DAB1: variants seen among roughly 807,000 people sequenced by gnomAD.
DAB1 encodes DAB adaptor protein 1.
Under a neutral mutation model 64.6 loss-of-function variants are expected in DAB1, and 15 were observed. That is an observed-to-expected ratio of 0.23 (90% CI 0.16 to 0.36). DAB1 has a LOEUF of 0.36. Among genes scored for constraint, DAB1 ranks in the 10% least tolerant of loss-of-function variants. The probability of loss-of-function intolerance (pLI) is 1.00; values close to 1 mark genes in which losing one functional copy is unlikely to be tolerated. For missense variants in DAB1, 596 were observed against 706.7 expected (o/e 0.84, Z 1.78); for synonymous variants, 235 against 251.9 (o/e 0.93, Z 0.64).
At chr1:57,194,987 A>C (rs1385263453) in intron 2 of DAB1, among the ~76,000 whole-genome samples, 2 of 152,246 alleles carry the variant, frequency 1.3e-5, no homozygotes, top group Non-Finnish European at 2.9e-5. Flanking sequence ...CGGAAAGTGT[A>C]ATAACTTTGG....
intron 4 of DAB1, among the ~76,000 whole-genome samples, chr1:58,159,320 A>G (rs2100746374): frequency 6.6e-6 from 1 of 152,328 alleles, no homozygotes; most frequent in South Asian, 2.1e-4. Context: ...GGTTCAACAT[A>G]GAATGAATCC....
intron 7 of DAB1, among the ~76,000 whole-genome samples, chr1:57,595,948 G>A (rs1450486994): frequency 6.6e-6 from 1 of 152,124 alleles, no homozygotes; most frequent in Non-Finnish European, 1.5e-5. Context: ...GCAGAATTGT[G>A]AGCCAATTAA....
At chr1:57,201,528 C>T (rs921053544) in intron 2 of DAB1, among the ~76,000 whole-genome samples, 2 of 151,948 alleles carry the variant, frequency 1.3e-5, no homozygotes, top group Non-Finnish European at 2.9e-5. Flanking sequence ...CTTTTCTAGA[C>T]TTCACCAATT....
chr1:57,061,229 G>GC (rs1491208908), intron 9 of DAB1, among the ~76,000 whole-genome samples: 206 of 10,786 alleles, frequency 0.019, 6 homozygotes, highest in African/African-American at 0.066. Context: ...ATATTTAGAT[G>GC]GGGGGGGGGG....
chr1:58,146,690 T>C (rs1354659293), intron 5 of DAB1, among the ~76,000 whole-genome samples: 1 of 151,550 alleles, frequency 6.6e-6, no homozygotes, highest in Non-Finnish European at 1.5e-5. Flanking sequence ...TATCCTTTTT[T>C]AAGGCTGAAT....
At chr1:57,180,836 C>G (rs766718731) in intron 2 of DAB1, among the ~76,000 whole-genome samples, 6 of 152,176 alleles carry the variant, frequency 3.9e-5, no homozygotes, top group Non-Finnish European at 7.3e-5. Context: ...CTCTTAACAC[C>G]TCCTGTCTCC....
At chr1:58,176,463 A>C (rs1656482714) in intron 4 of DAB1, among the ~76,000 whole-genome samples, 1 of 152,206 alleles carries the variant, frequency 6.6e-6, no homozygotes, top group East Asian at 1.9e-4. Context: ...CTATAACAGA[A>C]TACCTGGGAC....
intron 5 of DAB1, among the ~76,000 whole-genome samples, chr1:57,931,167 A>T (rs1644947529): frequency 6.6e-6 from 1 of 152,186 alleles, no homozygotes; most frequent in Non-Finnish European, 1.5e-5. Flanking sequence ...TCATTTTGGA[A>T]TGTTAAATCA....
intron 4 of DAB1, among the ~76,000 whole-genome samples, chr1:58,262,392 C>T (rs1569578464): frequency 6.6e-6 from 1 of 152,160 alleles, no homozygotes; most frequent in East Asian, 1.9e-4. Context: ...CGAGACCATC[C>T]TGGACAACAT....
chr1:58,237,735 C>T (rs1660109755), intron 4 of DAB1, among the ~76,000 whole-genome samples: 1 of 152,124 alleles, frequency 6.6e-6, no homozygotes, highest in East Asian at 1.9e-4. Context: ...CATTCCTCTT[C>T]TGCAGCCACT....
At chr1:57,316,937 C>T (rs1675263076) in intron 1 of DAB1, among the ~76,000 whole-genome samples, 1 of 152,194 alleles carries the variant, frequency 6.6e-6, no homozygotes, top group Non-Finnish European at 1.5e-5. Context: ...GACTTAGTGA[C>T]TTACTTGTAA....
At chr1:57,629,843 GT>G (rs796290423) in intron 7 of DAB1, among the ~76,000 whole-genome samples, 184 of 147,714 alleles carry the variant, frequency 1.2e-3, no homozygotes, top group Middle Eastern at 7.0e-3. Flanking sequence ...AAGGTTGAGG[GT>G]TTTTTTTTTC....
intron 7 of DAB1, among the ~76,000 whole-genome samples, chr1:57,434,090 A>T (rs910900813): frequency 1.3e-5 from 2 of 152,154 alleles, no homozygotes; most frequent in African/African-American, 4.8e-5. Flanking sequence ...CTTTCTTATA[A>T]AGTTAAACAT....
intron 6 of DAB1, among the ~76,000 whole-genome samples, chr1:57,734,318 T>C (rs542921776): frequency 3.3e-4 from 51 of 152,370 alleles, no homozygotes; most frequent in Non-Finnish European, 6.8e-4. Context: ...CAATTCATTA[T>C]GAGCTGTATT....
chr1:57,361,263 G>A (rs1679527214), intron 1 of DAB1, among the ~76,000 whole-genome samples: 1 of 152,140 alleles, frequency 6.6e-6, no homozygotes, highest in African/African-American at 2.4e-5. Flanking sequence ...AACTCAGCAT[G>A]TCCCAAGAAG....
intron 5 of DAB1, among the ~76,000 whole-genome samples, chr1:57,898,696 G>A (rs1042831422): frequency 6.6e-6 from 1 of 152,154 alleles, no homozygotes; most frequent in African/African-American, 2.4e-5. Flanking sequence ...GAGTTACTTG[G>A]TGTCTCTGCC....
intron 7 of DAB1, among the ~76,000 whole-genome samples, chr1:57,623,090 C>T (rs999068767): frequency 7.9e-5 from 12 of 152,172 alleles, no homozygotes; most frequent in Admixed American, 3.9e-4. Context: ...TATTTGTCAT[C>T]GGCGGAGTGG....
At chr1:58,274,461 TTGTC>T (rs1341291224) in intron 4 of DAB1, among the ~76,000 whole-genome samples, 1 of 139,428 alleles carries the variant, frequency 7.2e-6, no homozygotes, top group Non-Finnish European at 1.6e-5. Context: ...GTCTTTTTGT[TTGTC>T]TGTGCCCTGC....
chr1:58,131,577 A>G (rs1653577915), intron 5 of DAB1, among the ~76,000 whole-genome samples: 3 of 135,446 alleles, frequency 2.2e-5, no homozygotes, highest in Admixed American at 7.1e-5. Context: ...TTTTTTCCCC[A>G]TCTTTGTGGT....
Sources: allele counts gnomAD v4.1 joint callset (sites outside exome capture counted in the v4.1 genomes callset), GRCh38; gene constraint gnomAD v4.1.1; transcripts MANE v1.5; gene names NCBI Gene and HGNC (gene_info 2026-07-23, HGNC 2026-07-21).